GRID2: variants seen among roughly 807,000 people sequenced by gnomAD.
GRID2 encodes glutamate receptor ionotropic, delta-2.
In GRID2, 33 loss-of-function variants were observed where a neutral mutation model predicts 114.8. The observed-to-expected ratio is 0.29, with a 90% CI of 0.22 to 0.38. GRID2 has a LOEUF of 0.38. GRID2 is among the 10% of genes least tolerant of loss of function. The pLI, the probability that GRID2 is intolerant of heterozygous loss-of-function variation, is 1.00. For missense variants in GRID2, 1,184 were observed against 1,257.7 expected, an observed-to-expected ratio of 0.94 and a Z score of 0.89; for synonymous variants, 505 against 449.9, an observed-to-expected ratio of 1.12 and a Z score of -1.55.
At chr4:93,744,713 G>A (rs1419085168) in intron 14 of GRID2, among the ~76,000 whole-genome samples, 2 of 152,212 alleles carry the variant, frequency 1.3e-5, no homozygotes, top group Non-Finnish European at 2.9e-5. Context: ...GGCAGGGTTT[G>A]AGAGGGCTGA....
intron 1 of GRID2, 39 bp downstream of exon 1, chr4:92,304,783 G>C (rs375437688): frequency 7.2e-7 from 1 of 1,384,964 alleles, no homozygotes; most frequent in African/African-American, 1.4e-5. Context: ...TACTTTTACC[G>C]TTTCAGTTCT....
chr4:93,661,654 C>T (rs1249363243), intron 14 of GRID2, among the ~76,000 whole-genome samples: 1 of 152,144 alleles, frequency 6.6e-6, no homozygotes. Flanking sequence ...CGAAGCCTCA[C>T]AGAAACCTAA....
At chr4:92,416,220 C>T (rs559779263) in intron 1 of GRID2, among the ~76,000 whole-genome samples, 2 of 152,042 alleles carry the variant, frequency 1.3e-5, no homozygotes, top group Admixed American at 6.6e-5. Context: ...GAATCATCTG[C>T]TCATGTCATT....
chr4:93,606,354 A>G (rs1256940751), intron 13 of GRID2, among the ~76,000 whole-genome samples: 1 of 152,182 alleles, frequency 6.6e-6, no homozygotes, highest in Non-Finnish European at 1.5e-5. Flanking sequence ...AATATCTAAG[A>G]ACCAAGGGCA....
intron 13 of GRID2, 137 bp downstream of exon 13, chr4:93,515,548 G>A (rs1325132440): frequency 3.3e-6 from 2 of 602,024 alleles, no homozygotes; most frequent in Middle Eastern, 4.5e-4. Flanking sequence ...CTGTTACAAT[G>A]CATCTTATAT....
At chr4:93,380,037 A>G (rs1763709786) in intron 8 of GRID2, among the ~76,000 whole-genome samples, 1 of 152,110 alleles carries the variant, frequency 6.6e-6, no homozygotes, top group South Asian at 2.1e-4. Flanking sequence ...CCTGCGAAAA[A>G]CAAAAAGTAT....
chr4:93,320,991 A>G (rs915121227), intron 8 of GRID2, among the ~76,000 whole-genome samples: 1 of 152,042 alleles, frequency 6.6e-6, no homozygotes, highest in Non-Finnish European at 1.5e-5. Flanking sequence ...TTTTGCAGAA[A>G]GAGCTGTGGA....
intron 11 of GRID2, among the ~76,000 whole-genome samples, chr4:93,456,319 A>G (rs1297069892): frequency 6.6e-6 from 1 of 152,226 alleles, no homozygotes; most frequent in Non-Finnish European, 1.5e-5. Flanking sequence ...ATTACTTATT[A>G]CCAGAGAAGG....
At chr4:92,447,697 TG>T (rs1346569483) in intron 1 of GRID2, among the ~76,000 whole-genome samples, 1 of 152,210 alleles carries the variant, frequency 6.6e-6, no homozygotes, top group African/African-American at 2.4e-5. Context: ...ATTCCAAATC[TG>T]GTGAGGGCTT....
chr4:93,507,322 T>C (rs921883069), intron 12 of GRID2, among the ~76,000 whole-genome samples: 1 of 152,198 alleles, frequency 6.6e-6, no homozygotes, highest in African/African-American at 2.4e-5. Context: ...AAGATAGGAA[T>C]GTGACTTCTC....
chr4:93,060,150 C>A (rs536291769), intron 2 of GRID2, among the ~76,000 whole-genome samples: 2 of 152,054 alleles, frequency 1.3e-5, no homozygotes, highest in South Asian at 2.1e-4. Flanking sequence ...AACCTCCCTG[C>A]GTGTGTAATT....
At position 92,422,508 on chromosome 4, in the gene GRID2, G is replaced by A. The variant is rs917772001; in HGVS notation, c.88+117764G>A. ...CAGAGATTTTAAGGACAACTTGGTGGGGAAGGGGAAGCCAGTGAGCCAGCG... is the reference window on the plus strand; with the variant it reads ...CAGAGATTTTAAGGACAACTTGGTGAGGAAGGGGAAGCCAGTGAGCCAGCG... On this transcript the variant is annotated intron_variant, in intron 1 of 15. Coordinates refer to ENST00000282020, the MANE Select transcript of GRID2 (RefSeq NM_001510.4). Among the ~76,000 whole-genome samples the A allele has an allele frequency of 7.9e-5, 12 of 152,176 alleles. 1 individual carries two copies. In the South Asian group the frequency reaches 1.2e-3, roughly 16 times the overall value.
At chr4:93,353,051 G>A (rs1181437565) in intron 8 of GRID2, among the ~76,000 whole-genome samples, 1 of 152,026 alleles carries the variant, frequency 6.6e-6, no homozygotes, top group Non-Finnish European at 1.5e-5. Context: ...CAAAAAGAAG[G>A]AGAACAAAAA....
At chr4:93,055,536 C>A (rs1727145368) in intron 2 of GRID2, among the ~76,000 whole-genome samples, 1 of 151,760 alleles carries the variant, frequency 6.6e-6, no homozygotes, top group African/African-American at 2.4e-5. Flanking sequence ...ACAACAACAA[C>A]AACAAAAACA....
intron 13 of GRID2, among the ~76,000 whole-genome samples, chr4:93,593,541 G>C (rs1298078029): frequency 7.0e-6 from 1 of 143,548 alleles, no homozygotes; most frequent in African/African-American, 2.6e-5. Context: ...TCTTGGAGTT[G>C]CTCTTCTCGA....
At chr4:92,782,668 G>GTAT (rs1309165789) in intron 2 of GRID2, among the ~76,000 whole-genome samples, 1 of 152,108 alleles carries the variant, frequency 6.6e-6, no homozygotes, top group South Asian at 2.1e-4. Context: ...ATATGGAAAT[G>GTAT]TATTACCAGT....
At chr4:92,539,721 C>A (rs904173554) in intron 1 of GRID2, among the ~76,000 whole-genome samples, 1 of 152,078 alleles carries the variant, frequency 6.6e-6, no homozygotes, top group Non-Finnish European at 1.5e-5. Flanking sequence ...TATGCCTATA[C>A]ATTCTTAAAA....
intron 2 of GRID2, among the ~76,000 whole-genome samples, chr4:92,907,172 AT>A (rs1215620621): frequency 2.0e-5 from 3 of 152,084 alleles, no homozygotes; most frequent in African/African-American, 7.2e-5. Flanking sequence ...CATTCTTTAC[AT>A]TTTATTTATT....
At chr4:93,583,219 T>TCA (rs1329993702) in intron 13 of GRID2, among the ~76,000 whole-genome samples, 2 of 152,174 alleles carry the variant, frequency 1.3e-5, no homozygotes, top group African/African-American at 4.8e-5. Context: ...CCAAACAAGG[T>TCA]CACATTCTGA....
Sources: gnomAD v4.1 joint callset for allele counts (sites outside exome capture counted in the v4.1 genomes callset) on GRCh38, gnomAD v4.1.1 for gene constraint, MANE v1.5 for transcripts, NCBI Gene and HGNC (gene_info 2026-07-23, HGNC 2026-07-21) for gene names.